The following PTPRD variants were observed in gnomAD, a reference collection of about 807,000 sequenced individuals.
PTPRD encodes the protein protein tyrosine phosphatase receptor type D, also known as receptor-type tyrosine-protein phosphatase delta.
In PTPRD, 34 loss-of-function variants were observed where a neutral mutation model predicts 214.5. The observed-to-expected ratio is 0.16, with a 90% confidence interval of 0.12 to 0.21. PTPRD has a LOEUF of 0.21. Ranked by LOEUF, PTPRD falls within the 10% of genes least tolerant of loss-of-function variation. The pLI is 1.00. For missense variants in PTPRD, 2,545 were observed against 2,398.7 expected (o/e 1.06, Z -1.27); for synonymous variants, 1,128 against 845.7 (o/e 1.33, Z -5.79).
Position 8,316,830 on chromosome 9 carries a change from A to C in PTPRD, c.*1044T>G, listed in dbSNP as rs1822157459. The C allele has an allele frequency of 4.3e-6, 1 of 231,040 alleles. No individual in the cohort carries two copies. The highest frequency in any genetic ancestry group is 8.6e-6 in the Non-Finnish European group (1 of 116,582). The allele number at this position is 231,040 out of a possible 1,614,324, so 14.3% of individuals were successfully genotyped here. A position where few individuals can be genotyped will look rare whatever the true frequency, so the allele number is the denominator to read the frequency against. ...ATACCAATATGTCAAAAAATTAAGA[A>C]TAAATGGAAAGAGATGTTTACAATA... On this transcript the variant is annotated 3_prime_UTR_variant, in exon 46 of 46. Coordinates refer to ENST00000381196, the MANE Select transcript of PTPRD (RefSeq NM_002839.4).
At chr9:10,043,488 C>T (rs975495912) in intron 3 of PTPRD, among the ~76,000 whole-genome samples, 2 of 151,794 alleles carry the variant, frequency 1.3e-5, no homozygotes, top group African/African-American at 2.4e-5. Context: ...AGATCTTTGC[C>T]TTCTCTCAAT....
chr9:9,928,736 T>G (rs1358526573), intron 5 of PTPRD, among the ~76,000 whole-genome samples: 5 of 134,422 alleles, frequency 3.7e-5, no homozygotes, highest in Admixed American at 3.6e-4. Context: ...CCTAATACAG[T>G]AGCAGTCATC....
At chr9:8,421,317 C>T (rs1278116833) in intron 35 of PTPRD, among the ~76,000 whole-genome samples, 1 of 149,228 alleles carries the variant, frequency 6.7e-6, no homozygotes, top group Non-Finnish European at 1.5e-5. Context: ...TTTTCTCTTC[C>T]TTCTTTCTTT....
At chr9:9,619,485 A>G (rs1349644345) in intron 7 of PTPRD, among the ~76,000 whole-genome samples, 1 of 147,512 alleles carries the variant, frequency 6.8e-6, no homozygotes, top group East Asian at 2.0e-4. Context: ...CATATTCTAT[A>G]TAATCTATAT....
intron 11 of PTPRD, among the ~76,000 whole-genome samples, chr9:8,978,805 C>A (rs537756155): frequency 1.3e-5 from 2 of 152,084 alleles, no homozygotes; most frequent in South Asian, 4.1e-4. Flanking sequence ...GCTCAGAAAA[C>A]GAAAAGGACC....
At chr9:10,057,993 C>T (rs1048261115) in intron 3 of PTPRD, among the ~76,000 whole-genome samples, 4 of 151,918 alleles carry the variant, frequency 2.6e-5, no homozygotes, top group East Asian at 1.9e-4. Context: ...TTGGGTAACA[C>T]GTAAGATGAT....
chr9:8,531,013 G>T (rs914918189), intron 14 of PTPRD, among the ~76,000 whole-genome samples: 1 of 152,012 alleles, frequency 6.6e-6, no homozygotes, highest in Non-Finnish European at 1.5e-5. Flanking sequence ...TATCAGACCA[G>T]GTAGTTAGGG....
chr9:8,606,909 G>A (rs1230100344), intron 14 of PTPRD, among the ~76,000 whole-genome samples: 2 of 152,142 alleles, frequency 1.3e-5, no homozygotes, highest in Non-Finnish European at 2.9e-5. Context: ...ATCTCTCTCT[G>A]TAGAAGCAGG....
intron 9 of PTPRD, among the ~76,000 whole-genome samples, chr9:9,225,760 GC>G (rs1249427234): frequency 6.6e-6 from 1 of 152,022 alleles, no homozygotes; most frequent in Non-Finnish European, 1.5e-5. Context: ...AGAGAATTTT[GC>G]CCAATAGAAC....
At chr9:10,158,391 G>C (rs2099106916) in intron 3 of PTPRD, among the ~76,000 whole-genome samples, 1 of 152,082 alleles carries the variant, frequency 6.6e-6, no homozygotes, top group Non-Finnish European at 1.5e-5. Flanking sequence ...CATTTAATCA[G>C]CCATGCATTT....
intron 11 of PTPRD, among the ~76,000 whole-genome samples, chr9:8,883,697 C>T (rs915890276): frequency 8.5e-5 from 13 of 152,114 alleles, no homozygotes; most frequent in Non-Finnish European, 1.6e-4. Context: ...GAAGAGACCC[C>T]GTTGAGGACT....
intron 3 of PTPRD, among the ~76,000 whole-genome samples, chr9:10,258,693 C>T (rs2093467701): frequency 6.6e-6 from 1 of 152,066 alleles, no homozygotes; most frequent in Admixed American, 6.6e-5. Flanking sequence ...ATGGAGTATA[C>T]ATATAGGCAC....
chr9:9,325,758 C>T (rs1053021628), intron 9 of PTPRD, among the ~76,000 whole-genome samples: 7 of 152,224 alleles, frequency 4.6e-5, no homozygotes, highest in Admixed American at 2.6e-4. Context: ...AGAGGGCATC[C>T]CTGTCTTGTG....
intron 2 of PTPRD, among the ~76,000 whole-genome samples, chr9:10,372,940 C>A (rs545851786): frequency 7.3e-4 from 110 of 151,190 alleles, no homozygotes; most frequent in African/African-American, 2.6e-3. Flanking sequence ...TCAAGCAATT[C>A]TCCTGCCTCA....
chr9:8,393,380 G>C (rs1216253182), intron 36 of PTPRD, among the ~76,000 whole-genome samples: 1 of 152,126 alleles, frequency 6.6e-6, no homozygotes, highest in East Asian at 1.9e-4. Flanking sequence ...TGGAGTCAAG[G>C]AGACCTTCCT....
intron 8 of PTPRD, among the ~76,000 whole-genome samples, chr9:9,457,542 T>A (rs1050042864): frequency 6.6e-6 from 1 of 151,928 alleles, no homozygotes; most frequent in African/African-American, 2.4e-5. Context: ...ATTTAGGGCA[T>A]GATGTATTAT....
intron 2 of PTPRD, among the ~76,000 whole-genome samples, chr9:10,494,265 C>G (rs1417336733): frequency 2.0e-5 from 3 of 151,828 alleles, no homozygotes; most frequent in African/African-American, 7.2e-5. Context: ...AATCAAAACA[C>G]TTATCATGAA....
At chr9:8,391,621 C>T (rs1443291119) in intron 36 of PTPRD, among the ~76,000 whole-genome samples, 1 of 152,124 alleles carries the variant, frequency 6.6e-6, no homozygotes, top group African/African-American at 2.4e-5. Flanking sequence ...TTTAATTTAG[C>T]AGTTAGCAAC....
At chr9:8,605,469 T>C (rs1349239087) in intron 14 of PTPRD, among the ~76,000 whole-genome samples, 1 of 152,182 alleles carries the variant, frequency 6.6e-6, no homozygotes, top group African/African-American at 2.4e-5. Context: ...AGGCGGATTC[T>C]TTCATTTCAC....
Sources: gnomAD v4.1 joint callset for allele counts (sites outside exome capture counted in the v4.1 genomes callset) on GRCh38, gnomAD v4.1.1 for gene constraint, MANE v1.5 for transcripts, NCBI Gene and HGNC (gene_info 2026-07-23, HGNC 2026-07-21) for gene names.